Variants in ATRNL1 observed in about 807,000 individuals in gnomAD.
ATRNL1 encodes the protein attractin like 1, also known as attractin-like protein 1.
A neutral mutation model predicts 182.7 loss-of-function variants in ATRNL1; 95 were observed. That is an observed-to-expected ratio of 0.52 (90% confidence interval 0.44 to 0.62). The LOEUF is 0.62. Among genes scored for constraint, ATRNL1 ranks in the 20% least tolerant of loss-of-function variants. The pLI, the probability that ATRNL1 is intolerant of heterozygous loss-of-function variation, is 0.00. For synonymous variants in ATRNL1, 576 were observed against 568.3 expected, an observed-to-expected ratio of 1.01 and a Z score of -0.19; for missense variants, 1,471 against 1,679.5, an observed-to-expected ratio of 0.88 and a Z score of 2.17.
chr10:115,893,273 G>A (rs1393563619), intron 28 of ATRNL1, among the ~76,000 whole-genome samples: 5 of 152,122 alleles, frequency 3.3e-5, no homozygotes, highest in Admixed American at 6.5e-5. Flanking sequence ...GTGGAGAGGC[G>A]GGAGTTATGG....
At chr10:115,439,997 T>C (rs1846590753) in intron 21 of ATRNL1, among the ~76,000 whole-genome samples, 1 of 151,964 alleles carries the variant, frequency 6.6e-6, no homozygotes, top group South Asian at 2.1e-4. Context: ...CTCATTAATT[T>C]GTTTAATTAT....
chr10:115,467,323 T>G, intron 23 of ATRNL1, 71 bp downstream of exon 23: 1 of 1,065,010 alleles, frequency 9.4e-7, no homozygotes, highest in Non-Finnish European at 1.4e-6. Flanking sequence ...CATGATCTAC[T>G]GTTAATTAAA....
chr10:115,199,895 C>T (rs559363936), intron 8 of ATRNL1, among the ~76,000 whole-genome samples: 1 of 152,268 alleles, frequency 6.6e-6, no homozygotes, highest in Admixed American at 6.5e-5. Flanking sequence ...AGCAAAGAGA[C>T]ATCTAGAAGT....
chr10:115,726,855 GTT>G (rs10548508), intron 26 of ATRNL1, among the ~76,000 whole-genome samples: 50,514 of 146,814 alleles, frequency 0.34, 9,610 homozygotes, highest in Admixed American at 0.51. Context: ...TATTTTTACT[GTT>G]TTTTTTTTTT....
intron 28 of ATRNL1, among the ~76,000 whole-genome samples, chr10:115,941,921 G>T (rs1953742631): frequency 6.6e-6 from 1 of 152,108 alleles, no homozygotes; most frequent in Non-Finnish European, 1.5e-5. Context: ...GCTCTTCAAA[G>T]GTCAAGAAAA....
At chr10:115,503,599 G>A (rs1849955883) in intron 24 of ATRNL1, among the ~76,000 whole-genome samples, 1 of 152,082 alleles carries the variant, frequency 6.6e-6, no homozygotes, top group Admixed American at 6.5e-5. Context: ...ATTATGTAGT[G>A]TATGAGTGTT....
chr10:115,926,484 G>T (rs1357426957), intron 28 of ATRNL1, among the ~76,000 whole-genome samples: 1 of 151,738 alleles, frequency 6.6e-6, no homozygotes, highest in East Asian at 1.9e-4. Flanking sequence ...CTGGTTTTTT[G>T]AAAAAATTAA....
chr10:115,244,871 A>T (rs1261454784), intron 10 of ATRNL1, among the ~76,000 whole-genome samples: 1 of 152,220 alleles, frequency 6.6e-6, no homozygotes, highest in African/African-American at 2.4e-5. Flanking sequence ...AATAGAGGAT[A>T]ACAGAAACAT....
intron 28 of ATRNL1, among the ~76,000 whole-genome samples, chr10:115,897,645 C>G (rs1018247661): frequency 2.0e-5 from 3 of 152,210 alleles, no homozygotes; most frequent in Non-Finnish European, 2.9e-5. Context: ...ACTCTCGGCT[C>G]CAGCTATTTG....
At chr10:115,718,005 G>T (rs114692811) in intron 26 of ATRNL1, among the ~76,000 whole-genome samples, 1 of 152,234 alleles carries the variant, frequency 6.6e-6, no homozygotes, top group African/African-American at 2.4e-5. Flanking sequence ...TGAAAAGTCC[G>T]TACACGATTC....
chr10:115,208,054 A>G (rs1848870313), intron 8 of ATRNL1, among the ~76,000 whole-genome samples: 1 of 151,894 alleles, frequency 6.6e-6, no homozygotes, highest in African/African-American at 2.4e-5. Context: ...TGGACAGTTT[A>G]TATTTCTTTA....
At chr10:115,140,907 A>G (rs1170130604) in intron 5 of ATRNL1, among the ~76,000 whole-genome samples, 1 of 152,098 alleles carries the variant, frequency 6.6e-6, no homozygotes, top group Non-Finnish European at 1.5e-5. Context: ...TTTGTCCTTC[A>G]CTATCTCAAG....
At chr10:115,614,825 T>A (rs1857349703) in intron 26 of ATRNL1, among the ~76,000 whole-genome samples, 1 of 152,188 alleles carries the variant, frequency 6.6e-6, no homozygotes, top group Admixed American at 6.5e-5. Flanking sequence ...TTTTGTCTGA[T>A]ATAAGTATGG....
intron 5 of ATRNL1, among the ~76,000 whole-genome samples, chr10:115,157,320 C>T (rs539579211): frequency 3.5e-5 from 5 of 141,750 alleles, no homozygotes; most frequent in South Asian, 2.4e-4. Flanking sequence ...GTCTTTTTGT[C>T]GTTGTTTGTG....
At chr10:115,292,965 A>G (rs1592392495) in intron 15 of ATRNL1, among the ~76,000 whole-genome samples, 1 of 152,120 alleles carries the variant, frequency 6.6e-6, no homozygotes, top group Non-Finnish European at 1.5e-5. Flanking sequence ...GAAGTCTCCA[A>G]GTATTATTGT....
chr10:115,269,587 G>A (rs1487720617), intron 13 of ATRNL1, among the ~76,000 whole-genome samples: 1 of 152,134 alleles, frequency 6.6e-6, no homozygotes, highest in Non-Finnish European at 1.5e-5. Context: ...GCCCACCTCA[G>A]CCTCCCAAAG....
chr10:115,137,983 A>G (rs1845592226), intron 5 of ATRNL1, among the ~76,000 whole-genome samples: 1 of 152,214 alleles, frequency 6.6e-6, no homozygotes, highest in Admixed American at 6.5e-5. Flanking sequence ...CCATTGGGTA[A>G]ATACAGCCAT....
In ATRNL1 at chr10:115,138,161, C is replaced by T. The variant is rs560442629; in HGVS notation, c.829+8626C>T. Among the ~76,000 whole-genome samples the T allele has an allele frequency of 2.0e-5, 3 of 152,358 alleles. No individual in the cohort carries two copies. The South Asian group carries it at 6.2e-4, about 32-fold the overall frequency. On this transcript the variant is annotated intron_variant, in intron 5 of 28. Transcript: ENST00000355044. ...TGGGCTCCCATGGTCTTGGGCAGCT[C>T]TGCTCCTGTGGCTTTGCAGGGTTTA...
chr10:115,442,119 C>G (rs1216754874), intron 21 of ATRNL1, among the ~76,000 whole-genome samples: 1 of 152,032 alleles, frequency 6.6e-6, no homozygotes, highest in Non-Finnish European at 1.5e-5. Context: ...GACCATCTCA[C>G]TACCCAGCTT....
Sources: gnomAD v4.1 joint callset for allele counts (sites outside exome capture counted in the v4.1 genomes callset) on GRCh38, gnomAD v4.1.1 for gene constraint, MANE v1.5 for transcripts, NCBI Gene and HGNC (gene_info 2026-07-23, HGNC 2026-07-21) for gene names.